ALX1: variants seen among roughly 807,000 people sequenced by gnomAD.
ALX1 encodes the protein ALX homeobox 1, also known as ALX homeobox protein 1.
In ALX1, 19 loss-of-function variants were observed where a neutral mutation model predicts 31.7. The observed-to-expected ratio is 0.60, with a 90% CI of 0.42 to 0.88. The LOEUF (loss-of-function observed/expected upper bound fraction) is 0.88. Among genes scored for constraint, ALX1 ranks in the 40% least tolerant of loss-of-function variants. ALX1 has a pLI of 0.00. For synonymous variants in ALX1, 153 were observed against 148.8 expected (o/e 1.03, Z -0.20); for missense variants, 415 against 407.8 (o/e 1.02, Z -0.15).
chr12:85,300,034 G>A lies in ALX1; in HGVS notation c.661-1121G>A, dbSNP rs11116779. Among the ~76,000 whole-genome samples the A allele has an allele frequency of 7.0e-3, 1,066 of 151,956 alleles. 8 individuals carry two copies. Among genetic ancestry groups the A allele is most frequent in the African/African-American group, 0.018 (747 of 41,476 alleles). ...AGTTTTATTTCATCTTCAAAGGGCT[G>A]CATCATAGTATTACTATCCCATGCA... is the stretch of plus-strand genomic sequence containing the variant. On this transcript the variant is annotated intron_variant, in intron 3 of 3. Coordinates refer to ENST00000316824, the MANE Select transcript of ALX1 (RefSeq NM_006982.3).
chr12:85,288,904 A>C (rs1421749114), intron 3 of ALX1, among the ~76,000 whole-genome samples: 7 of 151,454 alleles, frequency 4.6e-5, no homozygotes, highest in Non-Finnish European at 3.0e-5. Flanking sequence ...GAGAAATAAC[A>C]ATAAAAATAT....
chr12:85,285,787 T>C (rs1312335373), intron 2 of ALX1, among the ~76,000 whole-genome samples: 1 of 151,914 alleles, frequency 6.6e-6, no homozygotes, highest in Non-Finnish European at 1.5e-5. Context: ...CTGAACATAA[T>C]TGTGTGAAGA....
chr12:85,284,821 G>A (rs1312458124), intron 2 of ALX1, among the ~76,000 whole-genome samples: 1 of 152,032 alleles, frequency 6.6e-6, no homozygotes, highest in Non-Finnish European at 1.5e-5. Flanking sequence ...CAAAAGTATT[G>A]ATTTTTGCAA....
At chr12:85,286,066 G>A (rs1896742428) in intron 2 of ALX1, among the ~76,000 whole-genome samples, 1 of 151,850 alleles carries the variant, frequency 6.6e-6, no homozygotes. Context: ...GGTTCTATCT[G>A]CCCTATTTCT....
intron 3 of ALX1, among the ~76,000 whole-genome samples, chr12:85,294,914 T>G (rs184926003): frequency 6.6e-6 from 1 of 151,344 alleles, no homozygotes; most frequent in Non-Finnish European, 1.5e-5. Context: ...AAATGATTTC[T>G]AATCACTTTA....
chr12:85,293,310 A>T (rs182211578), intron 3 of ALX1, among the ~76,000 whole-genome samples: 145 of 150,362 alleles, frequency 9.6e-4, no homozygotes, highest in African/African-American at 3.3e-3. Flanking sequence ...AATTTTTGTC[A>T]GTATCATTAG....
At position 85,301,536 on chromosome 12, in the gene ALX1, T is replaced by C; in HGVS notation, c.*61T>C. 8.4e-6 allele frequency: 13 copies of C among 1,547,448 alleles called. No individual in the cohort carries two copies. The South Asian group carries it at 1.5e-4, about 17-fold the overall frequency. On this transcript the variant is annotated 3_prime_UTR_variant, in exon 4 of 4. Coordinates refer to ENST00000316824, the MANE Select transcript of ALX1 (RefSeq NM_006982.3). ...AGTTAAACATTCTTATTTCTCATATTTAAAGGATACCACAATAAGCTGCTG... is the reference window on the plus strand; with the variant it reads ...AGTTAAACATTCTTATTTCTCATATCTAAAGGATACCACAATAAGCTGCTG...
chr12:85,286,605 G>T (rs983489790), intron 2 of ALX1, among the ~76,000 whole-genome samples: 3 of 151,786 alleles, frequency 2.0e-5, no homozygotes, highest in African/African-American at 4.8e-5. Flanking sequence ...AGGCTCAGAC[G>T]TATCAGATGT....
rs192771020 is a variant in ALX1 at position 85,291,663 on chromosome 12, T to G, written c.660+4682T>G. ...ATAACTTTGAGTTACAACTTTGACT[T>G]GATCTTCAGATTCTTTATTTGTAAA... is the stretch of plus-strand genomic sequence containing the variant. On this transcript the variant is annotated intron_variant, in intron 3 of 3. Coordinates refer to ENST00000316824, the MANE Select transcript of ALX1 (RefSeq NM_006982.3). 1.7e-3 allele frequency among the ~76,000 whole-genome samples: 257 copies of G among 151,266 alleles called. 2 individuals carry two copies. Among genetic ancestry groups the G allele is most frequent in the African/African-American group, 5.9e-3 (243 of 41,442 alleles).
chr12:85,296,295 T>A (rs951583110), intron 3 of ALX1, among the ~76,000 whole-genome samples: 3 of 151,602 alleles, frequency 2.0e-5, no homozygotes, highest in African/African-American at 4.8e-5. Flanking sequence ...TAAAAAACTC[T>A]TAGTATTTAT....
At chr12:85,285,451 GT>G (rs967492743) in intron 2 of ALX1, among the ~76,000 whole-genome samples, 6 of 151,952 alleles carry the variant, frequency 3.9e-5, no homozygotes, top group African/African-American at 1.4e-4. Flanking sequence ...AATTTGATTT[GT>G]TTTTTGTTGT....
At chr12:85,288,888 C>A (rs2137382675) in intron 3 of ALX1, among the ~76,000 whole-genome samples, 1 of 151,466 alleles carries the variant, frequency 6.6e-6, no homozygotes, top group Non-Finnish European at 1.5e-5. Flanking sequence ...TCAGGAGCCA[C>A]AACCAGAGAA....
In ALX1 at chr12:85,288,363, A is replaced by AGGTT. The variant is rs796771305; in HGVS notation, c.660+1383_660+1386dup. 2.8e-4 allele frequency among the ~76,000 whole-genome samples: 43 copies of AGGTT among 151,636 alleles called. 1 individual carries two copies. Among genetic ancestry groups the AGGTT allele is most frequent in the African/African-American group, 9.4e-4 (39 of 41,462 alleles). ...TTCTCTTTTAAAATTTATCTTAAAG[A>AGGTT]GGTTACCTTATGTTTTCTCCTATTT... On this transcript the variant is annotated intron_variant, in intron 3 of 3. Transcript: ENST00000316824.
intron 2 of ALX1, among the ~76,000 whole-genome samples, chr12:85,286,534 T>C (rs1186051022): frequency 3.9e-5 from 6 of 151,916 alleles, no homozygotes; most frequent in African/African-American, 9.7e-5. Flanking sequence ...TGTGGAGATA[T>C]ATGGAGTATT....
chr12:85,289,066 C>T (rs1565941703), intron 3 of ALX1, among the ~76,000 whole-genome samples: 2 of 151,286 alleles, frequency 1.3e-5, no homozygotes, highest in East Asian at 1.9e-4. Context: ...CTTTTTTGTG[C>T]ATTTTATTCT....
intron 3 of ALX1, among the ~76,000 whole-genome samples, chr12:85,287,492 AG>A (rs1896763710): frequency 6.6e-6 from 1 of 150,938 alleles, no homozygotes; most frequent in Non-Finnish European, 1.5e-5. Context: ...TATTCTCTAA[AG>A]GTCCACATTT....
intron 3 of ALX1, among the ~76,000 whole-genome samples, chr12:85,300,864 T>A (rs534268565): frequency 6.6e-6 from 1 of 152,268 alleles, no homozygotes; most frequent in East Asian, 1.9e-4. Context: ...ATCTTCCAGA[T>A]TCATTTTTAA....
chr12:85,295,312 G>A (rs896385189), intron 3 of ALX1, among the ~76,000 whole-genome samples: 4 of 151,318 alleles, frequency 2.6e-5, no homozygotes, highest in African/African-American at 7.3e-5. Context: ...ATATCTGCAT[G>A]TTGCTAAGCA....
rs187619778 is a variant in ALX1, at chr12:85,301,613, T to C, written c.*138T>C. ...ATTCAGTGAGACCAGCTTAAATGAA[T>C]AGTTGTTATTTAACATTAAAATCTA... On this transcript the variant is annotated 3_prime_UTR_variant, in exon 4 of 4. Transcript: ENST00000316824. The C allele has an allele frequency of 1.2e-6, 1 of 866,434 alleles. No homozygotes were observed. Among genetic ancestry groups the C allele is most frequent in the Non-Finnish European group, 1.8e-6 (1 of 561,578 alleles). 53.7% of individuals were successfully genotyped at this position (866,434 alleles called of 1,614,324 possible). A position where few individuals can be genotyped will look rare whatever the true frequency, so the allele number is the denominator to read the frequency against.
Sources: allele counts gnomAD v4.1 joint callset (sites outside exome capture counted in the v4.1 genomes callset), GRCh38; gene constraint gnomAD v4.1.1; transcripts MANE v1.5; gene names NCBI Gene and HGNC (gene_info 2026-07-23, HGNC 2026-07-21).